MSRA: variants seen among roughly 807,000 people sequenced by gnomAD.
MSRA encodes the protein methionine sulfoxide reductase A.
MSRA carries 54 observed loss-of-function variants against 31.3 expected under a neutral mutation model. That is an observed-to-expected ratio of 1.73 (90% CI 1.39 to 2.17). The LOEUF (loss-of-function observed/expected upper bound fraction) is 2.17. Among genes scored for constraint, MSRA ranks in the 30% most tolerant of loss-of-function variants. The pLI, the probability that MSRA is intolerant of heterozygous loss-of-function variation, is 0.00. For missense variants in MSRA, 507 were observed against 300.9 expected (o/e 1.69, Z -5.07); for synonymous variants, 169 against 116.5 (o/e 1.45, Z -2.90).
At chr8:10,421,847 C>G (rs1457940072) in intron 5 of MSRA, among the ~76,000 whole-genome samples, 1 of 152,108 alleles carries the variant, frequency 6.6e-6, no homozygotes, top group African/African-American at 2.4e-5. Context: ...CCCCAGAGAT[C>G]TGCTGCTCAG....
At chr8:10,261,024 GA>G (rs1204877211) in intron 3 of MSRA, among the ~76,000 whole-genome samples, 1 of 152,124 alleles carries the variant, frequency 6.6e-6, no homozygotes, top group Non-Finnish European at 1.5e-5. Flanking sequence ...CTTTCAGAAT[GA>G]AGTATAAAAT....
chr8:10,164,557 C>A (rs1754822313), intron 1 of MSRA, among the ~76,000 whole-genome samples: 1 of 152,176 alleles, frequency 6.6e-6, no homozygotes. Flanking sequence ...AACCCAATGT[C>A]ACAGAGAATG....
chr8:10,152,395 C>G (rs140565817), intron 1 of MSRA, among the ~76,000 whole-genome samples: 8 of 151,946 alleles, frequency 5.3e-5, no homozygotes, highest in African/African-American at 1.9e-4. Flanking sequence ...TTTTTAAGAC[C>G]GAGAGCCAGT....
intron 3 of MSRA, among the ~76,000 whole-genome samples, chr8:10,257,901 C>G (rs1585294011): frequency 1.3e-5 from 2 of 152,136 alleles, no homozygotes; most frequent in Non-Finnish European, 2.9e-5. Context: ...AGGTGAACAC[C>G]AGCATGTCTT....
chr8:10,130,976 G>A (rs1368793383), intron 1 of MSRA, among the ~76,000 whole-genome samples: 1 of 152,196 alleles, frequency 6.6e-6, no homozygotes, highest in African/African-American at 2.4e-5. Flanking sequence ...TTAGCAAGCT[G>A]AGTGTGTATA....
intron 1 of MSRA, among the ~76,000 whole-genome samples, chr8:10,172,130 C>T (rs1805643847): frequency 6.6e-6 from 1 of 152,188 alleles, no homozygotes; most frequent in Non-Finnish European, 1.5e-5. Context: ...GGCAGAACTA[C>T]AGATGCATGC....
Position 10,069,945 on chromosome 8 carries a change from G to A in MSRA, c.142+15287G>A, listed in dbSNP as rs535803548. Among the ~76,000 whole-genome samples the A allele has an allele frequency of 7.9e-5, 12 of 152,252 alleles. No homozygotes were observed. The South Asian group carries it at 1.7e-3, about 21-fold the overall frequency. On this transcript the variant is annotated intron_variant, in intron 1 of 5. Transcript: ENST00000317173. ...ATGACAAAACCACACCCTCTTTAAC[G>A]TTGAAATATTGATATGTTTGTTAAT...
chr8:10,097,312 A>G (rs144378644), intron 1 of MSRA, among the ~76,000 whole-genome samples: 3 of 152,314 alleles, frequency 2.0e-5, no homozygotes, highest in South Asian at 2.1e-4. Context: ...TGCCAAAATG[A>G]CAACCTTTGT....
At chr8:10,281,156 G>T (rs898001099) in intron 3 of MSRA, among the ~76,000 whole-genome samples, 1 of 152,178 alleles carries the variant, frequency 6.6e-6, no homozygotes, top group Non-Finnish European at 1.5e-5. Context: ...TATAGTATGT[G>T]AATTTCATCT....
At chr8:10,324,051 C>T (rs1478678221) in intron 5 of MSRA, among the ~76,000 whole-genome samples, 1 of 152,240 alleles carries the variant, frequency 6.6e-6, no homozygotes, top group East Asian at 1.9e-4. Context: ...TTGACTGAAA[C>T]CCAGAGTTTC....
At chr8:10,195,128 G>C (rs1442386640) in intron 1 of MSRA, among the ~76,000 whole-genome samples, 1 of 152,178 alleles carries the variant, frequency 6.6e-6, no homozygotes, top group African/African-American at 2.4e-5. Flanking sequence ...CAAACTGTTA[G>C]GACCAGTATT....
chr8:10,294,463 TAAGG>T (rs980109624), intron 3 of MSRA, among the ~76,000 whole-genome samples: 2 of 152,080 alleles, frequency 1.3e-5, no homozygotes, highest in African/African-American at 4.8e-5. Flanking sequence ...ATTTTGCAGT[TAAGG>T]AAGTTAAAGC....
At chr8:10,328,532 A>T (rs986085676) in intron 5 of MSRA, among the ~76,000 whole-genome samples, 1 of 152,026 alleles carries the variant, frequency 6.6e-6, no homozygotes, top group Admixed American at 6.6e-5. Context: ...CAGCAGAGTG[A>T]TATTCCTCAG....
At chr8:10,147,006 C>A (rs1460526638) in intron 1 of MSRA, among the ~76,000 whole-genome samples, 1 of 152,152 alleles carries the variant, frequency 6.6e-6, no homozygotes, top group Non-Finnish European at 1.5e-5. Flanking sequence ...CCAGCTGGGG[C>A]CTTGTTGGGT....
intron 5 of MSRA, among the ~76,000 whole-genome samples, chr8:10,423,203 T>C (rs1031460212): frequency 2.6e-5 from 4 of 152,108 alleles, no homozygotes; most frequent in Non-Finnish European, 5.9e-5. Flanking sequence ...CTCTTCCTCC[T>C]CTCCAGCTCT....
intron 3 of MSRA, among the ~76,000 whole-genome samples, chr8:10,300,532 AG>A (rs1187123193): frequency 6.6e-6 from 1 of 152,160 alleles, no homozygotes; most frequent in African/African-American, 2.4e-5. Flanking sequence ...CTGGGATTAC[AG>A]GCATCCACCA....
chr8:10,086,279 G>A (rs917381244), intron 1 of MSRA, among the ~76,000 whole-genome samples: 11 of 152,236 alleles, frequency 7.2e-5, no homozygotes, highest in Admixed American at 5.2e-4. Flanking sequence ...TTCAGGTTGA[G>A]CAGTTGGATG....
chr8:10,409,514 C>T (rs1263017539), intron 5 of MSRA, among the ~76,000 whole-genome samples: 3 of 152,216 alleles, frequency 2.0e-5, no homozygotes, highest in Admixed American at 6.5e-5. Context: ...GGTTGAAATA[C>T]TGCCTCTCCT....
chr8:10,151,523 G>A (rs969092014), intron 1 of MSRA, among the ~76,000 whole-genome samples: 10 of 152,068 alleles, frequency 6.6e-5, no homozygotes, highest in Admixed American at 6.5e-4. Context: ...GTTGGCAGGT[G>A]CCTGTAGTCC....
Sources: gnomAD v4.1 joint callset for allele counts (sites outside exome capture counted in the v4.1 genomes callset) on GRCh38, gnomAD v4.1.1 for gene constraint, MANE v1.5 for transcripts, NCBI Gene and HGNC (gene_info 2026-07-23, HGNC 2026-07-21) for gene names.